The following MORN5 variants were observed in gnomAD, a reference collection of about 807,000 sequenced individuals.
MORN5 encodes MORN repeat containing 5, also known as MORN repeat-containing protein 5.
Under a neutral mutation model 22.1 loss-of-function variants are expected in MORN5, and 21 were observed. The observed-to-expected ratio is 0.95, with a 90% CI of 0.67 to 1.37. The LOEUF is 1.37. Ranked by LOEUF, MORN5 falls within the 40% of genes most tolerant of loss-of-function variation. MORN5 has a pLI of 0.00. For missense variants in MORN5, 211 were observed against 215.1 expected (o/e 0.98, Z 0.12); for synonymous variants, 73 against 74.0 (o/e 0.99, Z 0.07).
intron 4 of MORN5, among the ~76,000 whole-genome samples, chr9:122,184,963 G>C (rs1301948568): frequency 6.6e-6 from 1 of 152,228 alleles, no homozygotes. Context: ...GATATAAAAA[G>C]TATACATCCA....
intron 3 of MORN5, among the ~76,000 whole-genome samples, chr9:122,172,674 G>A (rs764613792): frequency 2.6e-5 from 4 of 152,136 alleles, no homozygotes; most frequent in Non-Finnish European, 5.9e-5. Context: ...GATCGTGAGT[G>A]TTCAGCTCGT....
intron 4 of MORN5, among the ~76,000 whole-genome samples, chr9:122,177,221 G>A (rs942221966): frequency 6.6e-6 from 1 of 152,194 alleles, no homozygotes; most frequent in Non-Finnish European, 1.5e-5. Context: ...GATTCTAGGA[G>A]TGTGGAAAAA....
intron 1 of MORN5, among the ~76,000 whole-genome samples, chr9:122,164,977 C>T (rs1829253768): frequency 6.6e-6 from 1 of 152,122 alleles, no homozygotes; most frequent in Non-Finnish European, 1.5e-5. Context: ...CTTAATGGTT[C>T]TAGGAGCTGA....
At chr9:122,161,965 T>A (rs1829207086) in intron 1 of MORN5, among the ~76,000 whole-genome samples, 1 of 152,238 alleles carries the variant, frequency 6.6e-6, no homozygotes, top group South Asian at 2.1e-4. Flanking sequence ...GTCAGCAGTT[T>A]TTCACTTGTT....
At chr9:122,170,554 C>G (rs1425581622) in intron 3 of MORN5, among the ~76,000 whole-genome samples, 1 of 152,166 alleles carries the variant, frequency 6.6e-6, no homozygotes, top group Non-Finnish European at 1.5e-5. Context: ...GGGGGAGGCT[C>G]TCTGTAATCC....
chr9:122,196,989 ATTT>A (rs1829907792), intron 4 of MORN5, among the ~76,000 whole-genome samples: 1 of 152,054 alleles, frequency 6.6e-6, no homozygotes, highest in African/African-American at 2.4e-5. Context: ...GCACATAATT[ATTT>A]GTTAAATGAA....
intron 4 of MORN5, among the ~76,000 whole-genome samples, chr9:122,186,642 C>G (rs903853747): frequency 6.6e-6 from 1 of 152,188 alleles, no homozygotes; most frequent in African/African-American, 2.4e-5. Context: ...ATTCCCCTTC[C>G]AGCCATGGTG....
chr9:122,174,757 A>G, intron 4 of MORN5, 130 bp downstream of exon 4: 5 of 1,581,474 alleles, frequency 3.2e-6, no homozygotes, highest in Non-Finnish European at 4.3e-6. Context: ...AAAGTTGATT[A>G]CCTGGATGTT....
rs750212257 is a variant in MORN5 at position 122,188,377 on chromosome 9, G to A, written c.440-11508G>A. ...AGAGGTAATGACATTGTCTTTCCAC[G>A]ACTGCTGTGAGTATTCAATGAGTTC... On this transcript the variant is annotated intron_variant, in intron 4 of 4. Coordinates refer to ENST00000373764, the MANE Select transcript of MORN5 (RefSeq NM_198469.4). 5.7e-4 allele frequency among the ~76,000 whole-genome samples: 87 copies of A among 152,192 alleles called. 2 individuals carry two copies. Among genetic ancestry groups the A allele is most frequent in the Non-Finnish European group, 4.6e-4 (31 of 68,036 alleles).
In MORN5 at chr9:122,168,196, A is replaced by T. The variant is rs114144980; in HGVS notation, c.195+1281A>T. On this transcript the variant is annotated intron_variant, in intron 2 of 4. Transcript: ENST00000373764. ...AATAGTACAAGGCACCTCAATATAT[A>T]TATGTGAACACTTTGCTAAGTTCCC... Among the ~76,000 whole-genome samples, 591 of 152,336 alleles carry T rather than the reference A, an allele frequency of 3.9e-3. 4 individuals are homozygous for T. Among genetic ancestry groups the T allele is most frequent in the African/African-American group, 0.012 (485 of 41,582 alleles).
chr9:122,198,744 C>T (rs534648269), intron 4 of MORN5, among the ~76,000 whole-genome samples: 20 of 152,146 alleles, frequency 1.3e-4, no homozygotes, highest in Admixed American at 3.9e-4. Context: ...AGGCAACCTC[C>T]GCGTCCACCA....
chr9:122,194,041 C>CAGTT (rs1350225276), intron 4 of MORN5, among the ~76,000 whole-genome samples: 1 of 152,168 alleles, frequency 6.6e-6, no homozygotes, highest in African/African-American at 2.4e-5. Context: ...ATAAAAAGCC[C>CAGTT]AGTTATCCCA....
intron 3 of MORN5, among the ~76,000 whole-genome samples, chr9:122,173,836 GAA>G (rs999037526): frequency 2.2e-4 from 33 of 152,258 alleles, no homozygotes; most frequent in African/African-American, 7.5e-4. Flanking sequence ...ATAACCTTGG[GAA>G]AGTTACTTTA....
rs144694222 is a variant in MORN5 at position 122,175,793 on chromosome 9, C to T, written c.439+1166C>T. The T allele has an allele frequency of 4.0e-3, 3,128 of 782,274 alleles. 9 individuals are homozygous for T. The highest frequency in any genetic ancestry group is 4.3e-3 in the Non-Finnish European group (2,746 of 644,452). 48.5% of individuals were successfully genotyped at this position (782,274 alleles called of 1,614,324 possible). A position where few individuals can be genotyped will look rare whatever the true frequency, so the allele number is the denominator to read the frequency against. On this transcript the variant is annotated intron_variant, in intron 4 of 4. Coordinates refer to ENST00000373764, the MANE Select transcript of MORN5 (RefSeq NM_198469.4). ...ATTTACTCAGTAAGTCAGTGATGAC[C>T]AGAAAGGTGCCTCATGGGGCTAGAA...
intron 4 of MORN5, among the ~76,000 whole-genome samples, chr9:122,178,862 G>A (rs1191023793): frequency 6.6e-6 from 1 of 152,180 alleles, no homozygotes; most frequent in Admixed American, 6.5e-5. Flanking sequence ...CTGGAGAACT[G>A]CTGGGTTCCA....
At chr9:122,179,547 C>T (rs1051232470) in intron 4 of MORN5, among the ~76,000 whole-genome samples, 6 of 152,146 alleles carry the variant, frequency 3.9e-5, no homozygotes, top group Admixed American at 3.3e-4. Context: ...CCAATGCCTT[C>T]CCTCTCTGGG....
Position 122,159,968 on chromosome 9 carries a change from G to A in MORN5, c.-5G>A. The A allele has an allele frequency of 6.2e-7, 1 of 1,614,088 alleles. No homozygotes were observed. The highest frequency in any genetic ancestry group is 8.5e-7 in the Non-Finnish European group (1 of 1,179,968). On this transcript the variant is annotated 5_prime_UTR_variant, in exon 1 of 5. Transcript: ENST00000373764. ...CCTAACAGCTGGAAGCTAAAAACAGGCGCCATGGAGTACACAGGGAGCAAA... is the reference window on the plus strand; with the variant it reads ...CCTAACAGCTGGAAGCTAAAAACAGACGCCATGGAGTACACAGGGAGCAAA...
rs2118747696 is a variant in MORN5, at chr9:122,169,647, C to T, written c.198C>T (p.Gly66=). The T allele has an allele frequency of 6.2e-7, 1 of 1,610,460 alleles. No homozygotes were observed. Among genetic ancestry groups the T allele is most frequent in the East Asian group, 2.2e-5 (1 of 44,872 alleles). The part of the protein sequence containing the change: ...AIWENGLAIK[G]TYTFSDGLHY... The stretch of plus-strand genomic sequence containing the variant: ...CGTGTGTGCTCCTTGTCTTCCAGGG[C>T]ACATATACGTTCTCAGATGGGCTGC... The change falls in exon 3 of 5, where the codon GGC becomes GGT. Residue 66 remains glycine (G), a splice_region_variant and synonymous_variant. Transcript: ENST00000373764.
chr9:122,165,192 A>G (rs552239407), intron 1 of MORN5, among the ~76,000 whole-genome samples: 3 of 152,220 alleles, frequency 2.0e-5, no homozygotes, highest in South Asian at 4.1e-4. Flanking sequence ...AGCACTCACT[A>G]TATATATGTC....
Sources: gnomAD v4.1 joint callset for allele counts (sites outside exome capture counted in the v4.1 genomes callset) on GRCh38, gnomAD v4.1.1 for gene constraint, MANE v1.5 for transcripts, NCBI Gene and HGNC (gene_info 2026-07-23, HGNC 2026-07-21) for gene names.